The following PITRM1 variants were observed in gnomAD, a reference collection of about 807,000 sequenced individuals.
The protein encoded by PITRM1 is pitrilysin metallopeptidase 1.
In PITRM1, 100 loss-of-function variants were observed where a neutral mutation model predicts 129.9. That is an observed-to-expected ratio of 0.77 (90% CI 0.65 to 0.91). The LOEUF (loss-of-function observed/expected upper bound fraction) is 0.91. PITRM1 is among the 40% of genes least tolerant of loss of function. The pLI is 0.00. For synonymous variants in PITRM1, 591 were observed against 508.8 expected (o/e 1.16, Z -2.17); for missense variants, 1,471 against 1,318.3 (o/e 1.12, Z -1.79).
intron 2 of PITRM1, among the ~76,000 whole-genome samples, chr10:3,169,447 C>T (rs1294321874): frequency 2.6e-5 from 4 of 152,186 alleles, no homozygotes; most frequent in East Asian, 1.9e-4. Context: ...CATGTGCCTC[C>T]GGTCACAGCC....
intron 4 of PITRM1, 104 bp from the exon 5 acceptor site, chr10:3,165,631 G>A: frequency 4.1e-6 from 3 of 728,734 alleles, no homozygotes; most frequent in Non-Finnish European, 7.0e-6. Context: ...GTAAGCTGTA[G>A]CTATTCTTGG....
chr10:3,158,968 A>C lies in PITRM1; in HGVS notation c.1082T>G (p.Phe361Cys). ...SLLTSGPNSP[F>C]YKALIESGLG... ...GCCAGATTCAATCAAGGCTTTGTAA[A>C]AGGGAGAATTGGGCCCAGAAGTCAA... The change falls in exon 10 of 27, where the codon TTT becomes TGT. Residue 361 changes from phenylalanine (F) to cysteine (C), a missense_variant. Coordinates refer to ENST00000224949, the MANE Select transcript of PITRM1 (RefSeq NM_014889.4). 2 of 1,613,930 alleles carry C rather than the reference A, an allele frequency of 1.2e-6. No homozygotes were observed. The highest frequency in any genetic ancestry group is 1.7e-6 in the Non-Finnish European group (2 of 1,179,816).
At chr10:3,166,799 C>T (rs535741236) in intron 3 of PITRM1, 137 bp downstream of exon 3, 15 of 563,736 alleles carry the variant, frequency 2.7e-5, no homozygotes, top group African/African-American at 2.3e-4. Context: ...CATCAGCTGT[C>T]CTTAGTGTTA....
intron 1 of PITRM1, among the ~76,000 whole-genome samples, chr10:3,171,419 G>C (rs1843346683): frequency 6.6e-6 from 1 of 151,340 alleles, no homozygotes. Flanking sequence ...CGAGCAGTTA[G>C]GGGAATCTTC....
chr10:3,159,050 GA>G lies in PITRM1; in HGVS notation c.1008-9del, dbSNP rs370651887. The stretch of plus-strand genomic sequence containing the variant: ...TCAAATGTGTCGGTGATGCTGCATT[GA>G]AAAAAAAAGGAACGGGGAGGTAAGA... On this transcript the variant is annotated splice_polypyrimidine_tract_variant and intron_variant, in intron 9 of 26. Transcript: ENST00000224949. The G allele has an allele frequency of 2.2e-4, 335 of 1,544,954 alleles. No homozygotes were observed. The highest frequency in any genetic ancestry group is 9.6e-4 in the Admixed American group (48 of 50,090).
In PITRM1 at chr10:3,160,491, G is replaced by A. The variant is rs566576942; in HGVS notation, c.792-161C>T. 2.6e-5 allele frequency among the ~76,000 whole-genome samples: 4 copies of A among 152,250 alleles called. No individual in the cohort carries two copies. The South Asian group carries it at 6.2e-4, about 24-fold the overall frequency. On this transcript the variant is annotated intron_variant, in intron 7 of 26. Transcript: ENST00000224949. Reference sequence around the variant, plus strand: ...TCAACCAAGGTCCAAAAATATCACGGTACTTCGAGAGACCAAAATTCATGT... The same window carrying A: ...TCAACCAAGGTCCAAAAATATCACGATACTTCGAGAGACCAAAATTCATGT...
At chr10:3,145,750 G>A (rs1454260742) in intron 20 of PITRM1, 34 bp from the exon 21 acceptor site, 1 of 1,477,076 alleles carries the variant, frequency 6.8e-7, no homozygotes, top group African/African-American at 1.4e-5. Flanking sequence ...TAAAACCACT[G>A]TTAGAAAAAA....
At chr10:3,171,099 G>A (rs772070864) in intron 1 of PITRM1, among the ~76,000 whole-genome samples, 2 of 131,822 alleles carry the variant, frequency 1.5e-5, no homozygotes, top group East Asian at 2.4e-4. Flanking sequence ...CAACTCACCC[G>A]GAGGTGTATC....
chr10:3,169,439 T>C (rs1843156834), intron 2 of PITRM1, among the ~76,000 whole-genome samples: 1 of 152,228 alleles, frequency 6.6e-6, no homozygotes. Context: ...GCGTCCACCA[T>C]GTGCCTCCGG....
At chr10:3,167,282 AGAGAGC>A (rs199709115) in intron 2 of PITRM1, among the ~76,000 whole-genome samples, 2,552 of 79,324 alleles carry the variant, frequency 0.032, 55 homozygotes, top group African/African-American at 0.089. Flanking sequence ...AGAAAGAGAG[AGAGAGC>A]GAGCGAGCGA....
In PITRM1 at chr10:3,172,751, G is replaced by A. The variant is rs767762515; in HGVS notation, c.22C>T (p.Gln8Ter). The A allele has an allele frequency of 2.3e-5, 36 of 1,545,458 alleles. No homozygotes were observed. Among genetic ancestry groups the A allele is most frequent in the Non-Finnish European group, 2.9e-5 (33 of 1,145,130 alleles). Reference protein sequence around the residue: MWRCGGRQGLCVLRRLSG... With the variant: MWRCGGR ...AGCCGCCTCAGCACACACAGGCCCT[G>A]CCGCCCGCCGCAGCGCCACATTGCG... Residue 8 changes from glutamine (Q) to a stop codon, truncating the protein, a stop_gained, in exon 1 of 27, where the codon CAG becomes TAG. Coordinates refer to ENST00000224949, the MANE Select transcript of PITRM1 (RefSeq NM_014889.4). LOFTEE classifies it high-confidence loss of function.
chr10:3,165,634 A>C (rs3814597), intron 4 of PITRM1, 107 bp from the exon 5 acceptor site: 14,442 of 709,180 alleles, frequency 0.02, 861 homozygotes, highest in East Asian at 0.16. Flanking sequence ...AGCTGTAGCT[A>C]TTCTTGGGAT....
At position 3,158,058 on chromosome 10, in the gene PITRM1, G is replaced by A. The variant is rs745432011; in HGVS notation, c.1232C>T (p.Thr411Met). The A allele has an allele frequency of 2.9e-5, 47 of 1,603,410 alleles. No homozygotes were observed. Among genetic ancestry groups the A allele is most frequent in the African/African-American group, 1.3e-4 (10 of 74,758 alleles). ...IETVRSLIDR[T>M]IDEVVEKGFE... Reference sequence around the variant, plus strand: ...CACTCACTCAACTACTTCATCAATCGTTCTGTCTATGAGGCTTCTGACGGT... The same window carrying A: ...CACTCACTCAACTACTTCATCAATCATTCTGTCTATGAGGCTTCTGACGGT... The change falls in exon 11 of 27, where the codon ACG (threonine) becomes ATG (methionine). Residue 411 changes from threonine (T) to methionine (M), a missense_variant. Transcript: ENST00000224949.
At chr10:3,146,917 C>T (rs2132390985) in intron 20 of PITRM1, 1 of 327,070 alleles carries the variant, frequency 3.1e-6, no homozygotes, top group South Asian at 4.2e-5. Flanking sequence ...AACTACTTGC[C>T]CTCAATCTAT....
At chr10:3,169,234 C>T (rs1457411649) in intron 2 of PITRM1, among the ~76,000 whole-genome samples, 1 of 152,192 alleles carries the variant, frequency 6.6e-6, no homozygotes, top group East Asian at 1.9e-4. Context: ...ATTTCACAAA[C>T]GCTCCAAGTC....
Position 3,151,875 on chromosome 10 carries a change from A to AG in PITRM1, c.1622-513dup, listed in dbSNP as rs1453835089. On this transcript the variant is annotated intron_variant, in intron 14 of 26. Coordinates refer to ENST00000224949, the MANE Select transcript of PITRM1 (RefSeq NM_014889.4). ...CTTAGCCTCCTACGTGGCTGGGACT[A>AG]GGGGTGCAGACCACCATACCTGGCT... Among the ~76,000 whole-genome samples, 4 of 152,152 alleles carry AG rather than the reference A, an allele frequency of 2.6e-5. No individual in the cohort carries two copies. The Middle Eastern group carries it at 0.01, about 388-fold the overall frequency.
chr10:3,170,962 A>T (rs995326254), intron 1 of PITRM1, among the ~76,000 whole-genome samples: 2 of 151,730 alleles, frequency 1.3e-5, no homozygotes, highest in African/African-American at 2.4e-5. Context: ...GACTGTCGGA[A>T]AAAAAAGAAA....
At chr10:3,170,000 G>T in intron 2 of PITRM1, 104 bp downstream of exon 2, 1 of 759,358 alleles carries the variant, frequency 1.3e-6, no homozygotes, top group South Asian at 1.8e-5. Context: ...TGGGACACAA[G>T]GACAAAAACG....
At chr10:3,170,784 T>C (rs1843264515) in intron 1 of PITRM1, among the ~76,000 whole-genome samples, 1 of 151,752 alleles carries the variant, frequency 6.6e-6, no homozygotes. Context: ...TCACCTGAGG[T>C]CAGGAGTTCG....
Sources: allele counts gnomAD v4.1 joint callset (sites outside exome capture counted in the v4.1 genomes callset), GRCh38; gene constraint gnomAD v4.1.1; transcripts MANE v1.5; gene names NCBI Gene and HGNC (gene_info 2026-07-23, HGNC 2026-07-21).